RANBP10: variants seen among roughly 807,000 people sequenced by gnomAD.
RANBP10 encodes RAN binding protein 10.
Under a neutral mutation model 72.8 loss-of-function variants are expected in RANBP10, and 24 were observed. The ratio of observed to expected loss-of-function variants is 0.33; its 90% CI spans 0.24 to 0.46. RANBP10 has a LOEUF of 0.46. Among genes scored for constraint, RANBP10 ranks in the 20% least tolerant of loss-of-function variants. RANBP10 has a pLI of 1.00. For missense variants in RANBP10, 679 were observed against 817.5 expected, an observed-to-expected ratio of 0.83 and a Z score of 2.07; for synonymous variants, 310 against 322.3, an observed-to-expected ratio of 0.96 and a Z score of 0.41.
At chr16:67,743,808 C>T (rs919917894) in intron 4 of RANBP10, among the ~76,000 whole-genome samples, 7 of 152,276 alleles carry the variant, frequency 4.6e-5, no homozygotes, top group Middle Eastern at 3.4e-3. Flanking sequence ...GTAACTGCCC[C>T]GGCTGCTGCT....
chr16:67,731,377 T>A (rs1279189352), intron 7 of RANBP10, 95 bp downstream of exon 7: 2 of 1,039,308 alleles, frequency 1.9e-6, no homozygotes. Context: ...CAGAGCTGAA[T>A]GGACTCCTGA....
At chr16:67,782,194 G>A (rs1188840750) in intron 2 of RANBP10, among the ~76,000 whole-genome samples, 3 of 152,144 alleles carry the variant, frequency 2.0e-5, no homozygotes, top group Non-Finnish European at 2.9e-5. Flanking sequence ...AAGCTGGAGT[G>A]CAATGGTGAG....
rs1194906175 is a variant in RANBP10 at position 67,772,012 on chromosome 16, G to C, written c.400+22C>G. ...ATTGGATCAGGAGAGCAGAACAAAT[G>C]TTCTCTTAAACAGTGACTCACCAGG... is the stretch of plus-strand genomic sequence containing the variant. On this transcript the variant is annotated intron_variant, in intron 3 of 13. Coordinates refer to ENST00000317506, the MANE Select transcript of RANBP10 (RefSeq NM_020850.3). The C allele has an allele frequency of 2.5e-6, 4 of 1,579,496 alleles. No individual in the cohort carries two copies. In the East Asian group the frequency reaches 9.4e-5, roughly 37 times the overall value.
intron 3 of RANBP10, among the ~76,000 whole-genome samples, chr16:67,748,750 G>A (rs2054138590): frequency 6.6e-6 from 1 of 152,064 alleles, no homozygotes; most frequent in East Asian, 1.9e-4. Context: ...GAGTGGTGGA[G>A]CTGCAGAAGG....
chr16:67,805,757 A>G (rs943281204), intron 1 of RANBP10, among the ~76,000 whole-genome samples: 2 of 152,178 alleles, frequency 1.3e-5, no homozygotes, highest in African/African-American at 2.4e-5. Context: ...GACACTGCCC[A>G]TACAAACAAA....
At chr16:67,748,592 T>C (rs890471432) in intron 3 of RANBP10, among the ~76,000 whole-genome samples, 1 of 151,756 alleles carries the variant, frequency 6.6e-6, no homozygotes, top group African/African-American at 2.4e-5. Flanking sequence ...TTTGTACAGA[T>C]AGGGTCTTTC....
chr16:67,743,889 T>C (rs2054016789), intron 4 of RANBP10, among the ~76,000 whole-genome samples: 1 of 152,188 alleles, frequency 6.6e-6, no homozygotes, highest in Non-Finnish European at 1.5e-5. Flanking sequence ...CCTGGACTAG[T>C]GCCACCCTCA....
Position 67,786,482 on chromosome 16 carries a change from G to A in RANBP10, c.348-14396C>T, listed in dbSNP as rs534300744. 3.3e-5 allele frequency among the ~76,000 whole-genome samples: 5 copies of A among 152,150 alleles called. No individual in the cohort carries two copies. In the South Asian group the frequency reaches 1.0e-3, roughly 32 times the overall value. ...AACAGAAAGACAAACAACCCAAACA[G>A]GCAAAGGACTTGAACAGACATTTCT... On this transcript the variant is annotated intron_variant, in intron 2 of 13. Coordinates refer to ENST00000317506, the MANE Select transcript of RANBP10 (RefSeq NM_020850.3).
intron 2 of RANBP10, among the ~76,000 whole-genome samples, chr16:67,788,256 A>AT (rs1296030447): frequency 1.3e-5 from 2 of 150,438 alleles, no homozygotes; most frequent in Non-Finnish European, 3.0e-5. Flanking sequence ...GCCTCTACAA[A>AT]TTTTTTTTTC....
intron 3 of RANBP10, among the ~76,000 whole-genome samples, chr16:67,766,680 G>C (rs1339910968): frequency 6.6e-6 from 1 of 152,116 alleles, no homozygotes; most frequent in Non-Finnish European, 1.5e-5. Flanking sequence ...CCTGAATCAT[G>C]AGCCAAATAA....
In RANBP10 at chr16:67,729,143, G is replaced by A. The variant is rs1316531038; in HGVS notation, c.1352+137C>T. 1.4e-6 allele frequency: 2 copies of A among 1,471,624 alleles called. No individual in the cohort carries two copies. Among genetic ancestry groups the A allele is most frequent in the Non-Finnish European group, 1.8e-6 (2 of 1,098,178 alleles). 91.2% of individuals were successfully genotyped at this position (1,471,624 alleles called of 1,614,324 possible). A position where few individuals can be genotyped will look rare whatever the true frequency, so the allele number is the denominator to read the frequency against. On this transcript the variant is annotated intron_variant, in intron 10 of 13. Transcript: ENST00000317506. The surrounding 1 kb of genome is among the most constrained non-coding windows in gnomAD (Gnocchi z 7.1). Reference sequence around the variant, plus strand: ...GCCAGAGCTGATGTCTGGCCCGGTGGGCCAAAAATTAGGACTCCAGGCACA... The same window carrying A: ...GCCAGAGCTGATGTCTGGCCCGGTGAGCCAAAAATTAGGACTCCAGGCACA...
At chr16:67,726,950 G>A (rs2143000262) in intron 13 of RANBP10, among the ~76,000 whole-genome samples, 1 of 152,294 alleles carries the variant, frequency 6.6e-6, no homozygotes, top group East Asian at 1.9e-4. Flanking sequence ...AATTGGGGTG[G>A]GGGTTGGGAA....
At chr16:67,776,040 G>A (rs148626072) in intron 2 of RANBP10, among the ~76,000 whole-genome samples, 1 of 151,850 alleles carries the variant, frequency 6.6e-6, no homozygotes, top group Non-Finnish European at 1.5e-5. Context: ...AGCTACTCAG[G>A]AGGCTGAGGC....
intron 3 of RANBP10, among the ~76,000 whole-genome samples, chr16:67,761,083 T>C (rs545339204): frequency 5.3e-5 from 8 of 152,354 alleles, no homozygotes; most frequent in African/African-American, 1.9e-4. Context: ...CCGAGTCATT[T>C]AGCCAAGAGT....
At chr16:67,799,477 C>T (rs543349281) in intron 2 of RANBP10, among the ~76,000 whole-genome samples, 20 of 151,836 alleles carry the variant, frequency 1.3e-4, no homozygotes, top group Non-Finnish European at 2.8e-4. Context: ...TTAGTAGAGA[C>T]GGGGTTTCAC....
At chr16:67,739,256 G>A (rs780097563) in intron 4 of RANBP10, among the ~76,000 whole-genome samples, 3 of 152,126 alleles carry the variant, frequency 2.0e-5, no homozygotes, top group Non-Finnish European at 4.4e-5. Flanking sequence ...GTGAGCTACC[G>A]CACCTCGCCC....
At chr16:67,778,502 T>C (rs915460466) in intron 2 of RANBP10, among the ~76,000 whole-genome samples, 3 of 152,178 alleles carry the variant, frequency 2.0e-5, no homozygotes, top group Non-Finnish European at 4.4e-5. Context: ...AATAATTTCT[T>C]GGACAAAAGC....
At chr16:67,780,622 A>C (rs750271433) in intron 2 of RANBP10, among the ~76,000 whole-genome samples, 4 of 152,244 alleles carry the variant, frequency 2.6e-5, no homozygotes, top group Non-Finnish European at 5.9e-5. Flanking sequence ...CAAACAGCTG[A>C]TATTTGAAAA....
At chr16:67,737,844 AG>A (rs1031510975) in intron 5 of RANBP10, among the ~76,000 whole-genome samples, 168 bp downstream of exon 5, 1 of 152,096 alleles carries the variant, frequency 6.6e-6, no homozygotes. Flanking sequence ...CTGGAGAGAG[AG>A]GAAGGCCAGC....
Sources: gnomAD v4.1 joint callset for allele counts (sites outside exome capture counted in the v4.1 genomes callset) on GRCh38, gnomAD v4.1.1 for gene constraint, Gnocchi (gnomAD v3.1) non-coding constraint, MANE v1.5 for transcripts, NCBI Gene and HGNC (gene_info 2026-07-23, HGNC 2026-07-21) for gene names.